The following HMGCLL1 variants were observed in gnomAD, a reference collection of about 807,000 sequenced individuals.
HMGCLL1 encodes 3-hydroxymethyl-3-methylglutaryl-CoA lyase, cytoplasmic.
HMGCLL1 carries 36 observed loss-of-function variants against 39.1 expected under a neutral mutation model. The observed-to-expected ratio is 0.92, with a 90% CI of 0.71 to 1.22. HMGCLL1 has a LOEUF of 1.22. Among genes scored for constraint, HMGCLL1 ranks in the 50% most tolerant of loss-of-function variants. The pLI, the probability that HMGCLL1 is intolerant of heterozygous loss-of-function variation, is 0.00. For missense variants in HMGCLL1, 451 were observed against 416.5 expected, an observed-to-expected ratio of 1.08 and a Z score of -0.72; for synonymous variants, 149 against 144.0, an observed-to-expected ratio of 1.03 and a Z score of -0.25.
intron 7 of HMGCLL1, among the ~76,000 whole-genome samples, chr6:55,468,342 T>C (rs550779369): frequency 6.6e-6 from 1 of 152,126 alleles, no homozygotes; most frequent in East Asian, 1.9e-4. Context: ...TAGCATCTAG[T>C]AGAGAACAAT....
At chr6:55,552,086 A>T (rs2127465013) in intron 1 of HMGCLL1, among the ~76,000 whole-genome samples, 1 of 152,138 alleles carries the variant, frequency 6.6e-6, no homozygotes, top group East Asian at 1.9e-4. Flanking sequence ...TTATAAAAGT[A>T]ATTTAAGGGG....
At chr6:55,620,075 T>C in the HMGCLL1 span, among the ~76,000 whole-genome samples, 2,150 of 152,294 alleles carry the variant, frequency 0.014, 52 homozygotes, top group African/African-American at 0.049. Context: ...TTTTTTATTA[T>C]CCATTCATTT....
intron 7 of HMGCLL1, among the ~76,000 whole-genome samples, chr6:55,476,910 T>C (rs1765315889): frequency 6.8e-6 from 1 of 146,524 alleles, no homozygotes; most frequent in South Asian, 2.1e-4. Flanking sequence ...TGACTGCATC[T>C]AACATCACAC....
At chr6:55,565,838 C>A (rs1292992030) in intron 1 of HMGCLL1, among the ~76,000 whole-genome samples, 1 of 152,052 alleles carries the variant, frequency 6.6e-6, no homozygotes, top group African/African-American at 2.4e-5. Context: ...GTAACTATAT[C>A]TGTTTCTCCA....
chr6:55,541,283 C>G (rs909238396), intron 3 of HMGCLL1, among the ~76,000 whole-genome samples: 1 of 152,070 alleles, frequency 6.6e-6, no homozygotes, highest in African/African-American at 2.4e-5. Flanking sequence ...GTTGCAAATA[C>G]AAGTGTCAAA....
the HMGCLL1 span, among the ~76,000 whole-genome samples, chr6:55,610,335 C>T: frequency 1.4e-4 from 22 of 151,832 alleles, no homozygotes; most frequent in African/African-American, 4.8e-4. Context: ...TAGAGAGGAA[C>T]ATAAATGACC....
chr6:55,641,245 A>G, the HMGCLL1 span, among the ~76,000 whole-genome samples: 1 of 151,780 alleles, frequency 6.6e-6, no homozygotes, highest in Non-Finnish European at 1.5e-5. Context: ...AGGAAAAAGA[A>G]TGAATAATTT....
the HMGCLL1 span, among the ~76,000 whole-genome samples, chr6:55,639,241 C>T: frequency 4.8e-4 from 73 of 151,930 alleles, no homozygotes; most frequent in African/African-American, 1.7e-3. Context: ...AACAGCATAA[C>T]CACTACCATT....
At chr6:55,671,378 A>G in the HMGCLL1 span, among the ~76,000 whole-genome samples, 1 of 151,862 alleles carries the variant, frequency 6.6e-6, no homozygotes, top group Non-Finnish European at 1.5e-5. Flanking sequence ...ACGTGAGGTA[A>G]TAAATGGAAG....
the HMGCLL1 span, among the ~76,000 whole-genome samples, chr6:55,633,548 T>C: frequency 4.6e-5 from 7 of 151,910 alleles, no homozygotes; most frequent in Non-Finnish European, 7.4e-5. Flanking sequence ...GAAAAAAATT[T>C]TCTGCATAAC....
At chr6:55,437,522 G>C (rs1417438637) in intron 8 of HMGCLL1, among the ~76,000 whole-genome samples, 2 of 151,874 alleles carry the variant, frequency 1.3e-5, no homozygotes, top group Non-Finnish European at 2.9e-5. Flanking sequence ...AGGATATATG[G>C]GGCACTGTAT....
chr6:55,623,137 AT>A, the HMGCLL1 span, among the ~76,000 whole-genome samples: 1 of 151,124 alleles, frequency 6.6e-6, no homozygotes, highest in African/African-American at 2.4e-5. Context: ...TGATTCCTCC[AT>A]TTTTTTCTTA....
intron 7 of HMGCLL1, among the ~76,000 whole-genome samples, chr6:55,446,901 A>G (rs527733625): frequency 5.9e-5 from 9 of 152,136 alleles, no homozygotes; most frequent in African/African-American, 2.2e-4. Flanking sequence ...AGTCATCTAC[A>G]TTTTTTATCC....
At chr6:55,559,327 G>C (rs898136143) in intron 1 of HMGCLL1, among the ~76,000 whole-genome samples, 1 of 152,054 alleles carries the variant, frequency 6.6e-6, no homozygotes, top group East Asian at 1.9e-4. Flanking sequence ...AGAAAAAGAG[G>C]AGCCTTCCTA....
At chr6:55,485,701 T>C (rs921087050) in intron 7 of HMGCLL1, among the ~76,000 whole-genome samples, 1 of 151,946 alleles carries the variant, frequency 6.6e-6, no homozygotes, top group African/African-American at 2.4e-5. Flanking sequence ...GAAAGAACTG[T>C]TCAGCCCCAC....
chr6:55,600,874 G>A, the HMGCLL1 span, among the ~76,000 whole-genome samples: 2 of 152,012 alleles, frequency 1.3e-5, no homozygotes, highest in Admixed American at 6.6e-5. Flanking sequence ...AATGTAAATG[G>A]AACATAGACT....
chr6:55,630,804 C>T, the HMGCLL1 span, among the ~76,000 whole-genome samples: 19 of 152,052 alleles, frequency 1.2e-4, no homozygotes, highest in African/African-American at 4.6e-4. Flanking sequence ...ACTTGCTCCT[C>T]CTTGCCTTCT....
the HMGCLL1 span, among the ~76,000 whole-genome samples, chr6:55,669,423 A>C: frequency 6.6e-6 from 1 of 151,900 alleles, no homozygotes; most frequent in Non-Finnish European, 1.5e-5. Context: ...ATGAGATTTA[A>C]ACAAGACTCA....
rs1561950870 is a variant in HMGCLL1, at chr6:55,543,289, ATTAT to A, written c.109-1153_109-1150del. Among the ~76,000 whole-genome samples the A allele has an allele frequency of 4.2e-4, 8 of 19,218 alleles. 4 individuals carry two copies. Among genetic ancestry groups the A allele is most frequent in the Admixed American group, 2.6e-3 (2 of 784 alleles). 12.6% of individuals were successfully genotyped at this position (19,218 alleles called of 152,430 possible). On this transcript the variant is annotated intron_variant, in intron 1 of 8. Coordinates refer to ENST00000274901, the MANE Select transcript of HMGCLL1 (RefSeq NM_001042406.2). ...AATATATCTATATTATATATAATAT[ATTAT>A]ATATCATATATGATATATAATATAT...
Sources: allele counts gnomAD v4.1 joint callset (sites outside exome capture counted in the v4.1 genomes callset), GRCh38; gene constraint gnomAD v4.1.1; transcripts MANE v1.5; gene names NCBI Gene and HGNC (gene_info 2026-07-23, HGNC 2026-07-21).